The following NRCAM variants were observed in gnomAD, a reference collection of about 807,000 sequenced individuals.
NRCAM encodes neuronal cell adhesion molecule.
NRCAM carries 83 observed loss-of-function variants against 156.5 expected under a neutral mutation model. That is an observed-to-expected ratio of 0.53 (90% confidence interval 0.44 to 0.64). The LOEUF (loss-of-function observed/expected upper bound fraction) is 0.64, where lower values mean the gene tolerates loss of function less well. Among genes scored for constraint, NRCAM ranks in the 30% least tolerant of loss-of-function variants. The pLI, the probability that NRCAM is intolerant of heterozygous loss-of-function variation, is 0.00. For synonymous variants in NRCAM, 538 were observed against 563.9 expected, an observed-to-expected ratio of 0.95 and a Z score of 0.65; for missense variants, 1,417 against 1,597.3, an observed-to-expected ratio of 0.89 and a Z score of 1.92.
intron 28 of NRCAM, among the ~76,000 whole-genome samples, chr7:108,172,772 T>C (rs1329020479): frequency 6.6e-6 from 1 of 152,194 alleles, no homozygotes; most frequent in African/African-American, 2.4e-5. Context: ...CATCATATAG[T>C]TAATTGAATT....
intron 2 of NRCAM, among the ~76,000 whole-genome samples, chr7:108,380,739 A>G (rs1428493366): frequency 2.6e-5 from 4 of 152,138 alleles, no homozygotes; most frequent in Non-Finnish European, 5.9e-5. Context: ...TGACATGATC[A>G]TGGCTCACTG....
chr7:108,415,907 C>A (rs1350678923), intron 1 of NRCAM, among the ~76,000 whole-genome samples: 4 of 152,128 alleles, frequency 2.6e-5, no homozygotes, highest in Admixed American at 6.5e-5. Context: ...AAAACAAAAC[C>A]AAAAAGGAGA....
rs1445689531 is a variant in NRCAM at position 108,180,305 on chromosome 7, G to A, written c.2769C>T (p.His923=). ...GMLPGLEPFS[H]YTLNVRVVNG... is the part of the protein sequence containing the mutation. ...TGACCACTCGGACATTCAGTGTGTAGTGGCTAAAGGGCTCTAGCCCCGGCA... is the reference window on the plus strand; with the variant it reads ...TGACCACTCGGACATTCAGTGTGTAATGGCTAAAGGGCTCTAGCCCCGGCA... The change falls in exon 25 of 33, where the codon CAC becomes CAT. Residue 923 remains histidine (H), a synonymous_variant. Transcript: ENST00000379028. 6.2e-7 allele frequency: 1 copy of A among 1,614,226 alleles called. No individual in the cohort carries two copies. Among genetic ancestry groups the A allele is most frequent in the Admixed American group, 1.7e-5 (1 of 60,028 alleles).
rs199991268 is a variant in NRCAM at position 108,180,443 on chromosome 7, C to G, written c.2647-16G>C. On this transcript the variant is annotated splice_polypyrimidine_tract_variant and intron_variant, in intron 24 of 32. Transcript: ENST00000379028. ...AATAGTAAATCTGAAACAGCAAGAA[C>G]GAAAGTCAGGAATGCAGAAAGGAGC... 1 of 1,604,590 alleles carries G rather than the reference C, an allele frequency of 6.2e-7. No individual in the cohort carries two copies. The highest frequency in any genetic ancestry group is 1.1e-5 in the South Asian group (1 of 90,820).
chr7:108,188,383 G>A (rs1391190546), intron 20 of NRCAM, among the ~76,000 whole-genome samples: 1 of 149,374 alleles, frequency 6.7e-6, no homozygotes. Context: ...AGTCCTCTGT[G>A]TGTGTGTGTG....
At chr7:108,418,560 TACACAC>T (rs59582056) in intron 1 of NRCAM, among the ~76,000 whole-genome samples, 38,590 of 143,636 alleles carry the variant, frequency 0.27, 5,110 homozygotes, top group African/African-American at 0.3. Context: ...ATACATATTA[TACACAC>T]ACACACACAC....
chr7:108,244,813 A>G (rs1478087267), intron 3 of NRCAM, among the ~76,000 whole-genome samples: 1 of 152,184 alleles, frequency 6.6e-6, no homozygotes, highest in African/African-American at 2.4e-5. Context: ...GGTGAACAAT[A>G]AACAGGTGGT....
At chr7:108,299,117 AGAAAGAAAGAAAGAAAGAAAG>A (rs2098528091) in intron 3 of NRCAM, among the ~76,000 whole-genome samples, 1 of 91,956 alleles carries the variant, frequency 1.1e-5, no homozygotes, top group African/African-American at 4.3e-5. Flanking sequence ...AAAAAAAAAA[AGAAAGAAAGAAAGAAAGAAAG>A]AAAAGAAAAG....
intron 8 of NRCAM, 143 bp downstream of exon 8, chr7:108,230,888 T>C (rs193092530): frequency 2.8e-4 from 169 of 611,648 alleles, no homozygotes; most frequent in Non-Finnish European, 2.8e-4. Context: ...GTGAATGAGA[T>C]GACATGTTAT....
chr7:108,391,781 A>G (rs2099760909), intron 2 of NRCAM, among the ~76,000 whole-genome samples: 1 of 152,120 alleles, frequency 6.6e-6, no homozygotes, highest in African/African-American at 2.4e-5. Flanking sequence ...TGGTGACAAA[A>G]TCTCTCAGCA....
At chr7:108,372,592 T>C (rs1341226031) in intron 2 of NRCAM, among the ~76,000 whole-genome samples, 1 of 151,946 alleles carries the variant, frequency 6.6e-6, no homozygotes, top group Non-Finnish European at 1.5e-5. Context: ...ATAGGTATAT[T>C]AAAAAAAGTT....
At chr7:108,451,631 A>G (rs1464903230) in intron 1 of NRCAM, among the ~76,000 whole-genome samples, 2 of 152,244 alleles carry the variant, frequency 1.3e-5, no homozygotes, top group African/African-American at 4.8e-5. Flanking sequence ...TTACAAAGGA[A>G]GGAAATTCTG....
chr7:108,157,006 T>C (rs1403611055), intron 32 of NRCAM, among the ~76,000 whole-genome samples: 1 of 152,144 alleles, frequency 6.6e-6, no homozygotes, highest in African/African-American at 2.4e-5. Context: ...GACAAAGCCG[T>C]ATCTTTGTAA....
chr7:108,427,721 T>C (rs1326059566), intron 1 of NRCAM, among the ~76,000 whole-genome samples: 1 of 152,218 alleles, frequency 6.6e-6, no homozygotes, highest in East Asian at 1.9e-4. Context: ...GAGATAACCA[T>C]TAATACAAAA....
At chr7:108,433,189 T>C (rs1049641089) in intron 1 of NRCAM, among the ~76,000 whole-genome samples, 4 of 152,098 alleles carry the variant, frequency 2.6e-5, no homozygotes, top group African/African-American at 9.7e-5. Context: ...TTTCCAAGCA[T>C]TGTCTTCCAT....
chr7:108,164,233 G>A (rs549884903), intron 30 of NRCAM, among the ~76,000 whole-genome samples: 29 of 149,782 alleles, frequency 1.9e-4, no homozygotes, highest in Non-Finnish European at 3.1e-4. Flanking sequence ...ACCAGGTGGG[G>A]TGGGGTAATG....
At chr7:108,416,929 T>C (rs1322384355) in intron 1 of NRCAM, among the ~76,000 whole-genome samples, 1 of 152,242 alleles carries the variant, frequency 6.6e-6, no homozygotes, top group East Asian at 1.9e-4. Context: ...TTCAGATCCA[T>C]GCTGTTCATT....
intron 1 of NRCAM, among the ~76,000 whole-genome samples, chr7:108,414,141 G>A (rs766129683): frequency 3.5e-4 from 54 of 152,158 alleles, no homozygotes; most frequent in African/African-American, 5.8e-4. Context: ...AACTTAATGC[G>A]GAAACCTTGA....
intron 1 of NRCAM, among the ~76,000 whole-genome samples, chr7:108,414,025 C>G (rs1798551738): frequency 1.3e-5 from 2 of 152,202 alleles, no homozygotes; most frequent in South Asian, 2.1e-4. Context: ...GCTTCTTGAA[C>G]CACTTCTACA....
Sources: gnomAD v4.1 joint callset for allele counts (sites outside exome capture counted in the v4.1 genomes callset) on GRCh38, gnomAD v4.1.1 for gene constraint, MANE v1.5 for transcripts, NCBI Gene and HGNC (gene_info 2026-07-23, HGNC 2026-07-21) for gene names.